Variants in AFTPH observed in about 807,000 individuals in gnomAD.
AFTPH encodes the protein aftiphilin protein.
A neutral mutation model predicts 72.5 loss-of-function variants in AFTPH; 7 were observed. The ratio of observed to expected loss-of-function variants is 0.10; its 90% CI spans 0.05 to 0.18. The LOEUF (loss-of-function observed/expected upper bound fraction) is 0.18. Among genes scored for constraint, AFTPH ranks in the 10% least tolerant of loss-of-function variants. The pLI is 1.00. For missense variants in AFTPH, 979 were observed against 1,060.5 expected (o/e 0.92, Z 1.07); for synonymous variants, 337 against 370.1 (o/e 0.91, Z 1.03).
intron 1 of AFTPH, among the ~76,000 whole-genome samples, chr2:64,532,985 G>A (rs756234): frequency 0.52 from 79,460 of 151,988 alleles, 23,718 homozygotes; most frequent in African/African-American, 0.84. Context: ...ATAATCTTAC[G>A]TAATGCTTAT....
rs190840667 is a variant in AFTPH at position 64,540,546 on chromosome 2, G to A, written c.-32-10897G>A. On this transcript the variant is annotated intron_variant, in intron 1 of 8. Transcript: ENST00000238856. ...CGGTAGAAGAAAAAATTTTTCATGG[G>A]AATTTTTGAAAACCAACTTCTCTCA... Among the ~76,000 whole-genome samples, 5 of 152,170 alleles carry A rather than the reference G, an allele frequency of 3.3e-5. No homozygotes were observed. In the East Asian group the frequency reaches 9.7e-4, roughly 29 times the overall value.
intron 1 of AFTPH, among the ~76,000 whole-genome samples, chr2:64,538,547 A>G (rs1032624498): frequency 6.6e-6 from 1 of 152,238 alleles, no homozygotes; most frequent in South Asian, 2.1e-4. Context: ...CCTGAAAAAT[A>G]TCATGTGTGC....
chr2:64,563,234 T>C (rs1671843531), intron 2 of AFTPH, among the ~76,000 whole-genome samples: 1 of 152,246 alleles, frequency 6.6e-6, no homozygotes, highest in Admixed American at 6.5e-5. Flanking sequence ...TGAATTTTAC[T>C]ACTGATTTAT....
At chr2:64,586,650 T>C (rs1185267286) in intron 8 of AFTPH, among the ~76,000 whole-genome samples, 1 of 152,232 alleles carries the variant, frequency 6.6e-6, no homozygotes, top group Non-Finnish European at 1.5e-5. Context: ...AATGGCTTTG[T>C]AGCATGTAAA....
At chr2:64,545,903 T>G (rs1315491830) in intron 1 of AFTPH, among the ~76,000 whole-genome samples, 1 of 152,046 alleles carries the variant, frequency 6.6e-6, no homozygotes, top group Non-Finnish European at 1.5e-5. Context: ...TCGTTTTGTT[T>G]TTTTAATGGG....
chr2:64,588,073 C>T (rs1258272079), intron 8 of AFTPH, among the ~76,000 whole-genome samples: 1 of 152,032 alleles, frequency 6.6e-6, no homozygotes, highest in Non-Finnish European at 1.5e-5. Flanking sequence ...TTTATCACCC[C>T]AAAAAGAAAC....
exon 2 of AFTPH, chr2:64,551,906 T>C (rs1201720764): frequency 6.2e-7 from 1 of 1,613,590 alleles, no homozygotes; most frequent in Non-Finnish European, 8.5e-7. Context: ...GACAGAATGT[T>C]GGAACACTTG....
chr2:64,578,465 A>C (rs7593174), intron 6 of AFTPH, among the ~76,000 whole-genome samples: 4,914 of 152,330 alleles, frequency 0.032, 103 homozygotes, highest in Non-Finnish European at 0.051. Context: ...TGCTTATTTT[A>C]AAAATGTGTT....
intron 2 of AFTPH, among the ~76,000 whole-genome samples, chr2:64,555,770 A>G (rs1000382342): frequency 6.6e-6 from 1 of 152,192 alleles, no homozygotes; most frequent in Non-Finnish European, 1.5e-5. Context: ...TGAGTAAGTG[A>G]CTGAGTCAGA....
chr2:64,576,191 A>G (rs1408175890), intron 6 of AFTPH, among the ~76,000 whole-genome samples: 3 of 147,674 alleles, frequency 2.0e-5, no homozygotes, highest in African/African-American at 7.5e-5. Context: ...ATACATATAT[A>G]TATATAACAT....
intron 1 of AFTPH, among the ~76,000 whole-genome samples, chr2:64,547,818 T>C (rs1670742812): frequency 6.6e-6 from 1 of 152,048 alleles, no homozygotes; most frequent in African/African-American, 2.4e-5. Flanking sequence ...GGTCTCACTC[T>C]GTCACCCAGG....
chr2:64,548,607 C>G (rs967395130), intron 1 of AFTPH, among the ~76,000 whole-genome samples: 2 of 152,080 alleles, frequency 1.3e-5, no homozygotes, highest in Non-Finnish European at 2.9e-5. Flanking sequence ...TTTACACTCA[C>G]AAGCAATGTG....
chr2:64,569,994 G>T (rs998331538), intron 5 of AFTPH, among the ~76,000 whole-genome samples: 1 of 152,042 alleles, frequency 6.6e-6, no homozygotes, highest in Non-Finnish European at 1.5e-5. Context: ...AAAAGCTGAA[G>T]TATCAGAAGG....
chr2:64,555,377 A>G (rs1456039199), intron 2 of AFTPH, among the ~76,000 whole-genome samples: 1 of 152,108 alleles, frequency 6.6e-6, no homozygotes, highest in Non-Finnish European at 1.5e-5. Flanking sequence ...CCTGGCCAAC[A>G]TGGTGAGACC....
chr2:64,567,705 T>C (rs1239532562), exon 3 of AFTPH: 2 of 1,610,536 alleles, frequency 1.2e-6, no homozygotes, highest in South Asian at 1.1e-5. Flanking sequence ...AGGCCTTACC[T>C]GAAAGTGGGT....
chr2:64,546,997 C>A (rs955460600), intron 1 of AFTPH, among the ~76,000 whole-genome samples: 2 of 151,998 alleles, frequency 1.3e-5, no homozygotes, highest in African/African-American at 4.8e-5. Context: ...TGCAGTGAGC[C>A]GAGATCGTGC....
chr2:64,526,780 T>C (rs1207956840), intron 1 of AFTPH, among the ~76,000 whole-genome samples: 1 of 152,246 alleles, frequency 6.6e-6, no homozygotes, highest in Admixed American at 6.5e-5. Context: ...ATGTTGCTCA[T>C]ATATATTGCT....
intron 6 of AFTPH, among the ~76,000 whole-genome samples, chr2:64,575,418 G>A (rs1457755511): frequency 6.6e-6 from 1 of 152,048 alleles, no homozygotes. Context: ...TTGAGCCCAG[G>A]AGTTCGAGAC....
chr2:64,565,069 G>A (rs1671984501), intron 2 of AFTPH, among the ~76,000 whole-genome samples: 1 of 151,848 alleles, frequency 6.6e-6, no homozygotes, highest in South Asian at 2.1e-4. Flanking sequence ...AAACTCCTGA[G>A]CTCAAGCAAT....
Sources: allele counts gnomAD v4.1 joint callset (sites outside exome capture counted in the v4.1 genomes callset), GRCh38; gene constraint gnomAD v4.1.1; transcripts MANE v1.5; gene names NCBI Gene and HGNC (gene_info 2026-07-23, HGNC 2026-07-21).